KIF13B: variants seen among roughly 807,000 people sequenced by gnomAD.
The protein encoded by KIF13B is kinesin-like protein KIF13B.
A neutral mutation model predicts 222.0 loss-of-function variants in KIF13B; 127 were observed. The observed-to-expected ratio is 0.57, with a 90% CI of 0.50 to 0.66. KIF13B has a LOEUF of 0.66. KIF13B is among the 30% of genes least tolerant of loss of function. KIF13B has a pLI of 0.00. For missense variants in KIF13B, 2,173 were observed against 2,379.0 expected (o/e 0.91, Z 1.80); for synonymous variants, 976 against 919.0 (o/e 1.06, Z -1.12).
chr8:29,120,189 T>A (rs1172609658), intron 29 of KIF13B, among the ~76,000 whole-genome samples: 2 of 95,634 alleles, frequency 2.1e-5, no homozygotes, highest in African/African-American at 7.3e-5. Flanking sequence ...TTTTTTTTTT[T>A]TTATTATACT....
rs1807244937 is a variant in KIF13B, at chr8:29,071,012, C to A, written c.5219-246G>T. On this transcript the variant is annotated intron_variant, in intron 39 of 39. Transcript: ENST00000524189. The surrounding 1 kb of genome is among the most constrained non-coding windows in gnomAD (Gnocchi z 4.9). The stretch of plus-strand genomic sequence containing the variant: ...CCAAGGATGCACAGCCCCAGTCCTG[C>A]AGCCTCAGGTAGGAGGTGACAGGCC... 6.6e-6 allele frequency among the ~76,000 whole-genome samples: 1 copy of A among 152,192 alleles called. No individual in the cohort carries two copies. The highest frequency in any genetic ancestry group is 2.1e-4 in the South Asian group (1 of 4,834).
In KIF13B at chr8:29,110,089, T is replaced by C. The variant is rs373852795; in HGVS notation, c.3931-19A>G. ...GGGCATCCTGAGCAGTGGAAAGTTA[T>C]ACATTATAAAAGCTTCTTGATGTAC... On this transcript the variant is annotated intron_variant, in intron 32 of 39. Coordinates refer to ENST00000524189, the MANE Select transcript of KIF13B (RefSeq NM_015254.4). 6.7e-5 allele frequency: 104 copies of C among 1,551,168 alleles called. No individual in the cohort carries two copies. In the African/African-American group the frequency reaches 1.4e-3, roughly 20 times the overall value.
intron 12 of KIF13B, among the ~76,000 whole-genome samples, chr8:29,161,712 A>G (rs192897518): frequency 2.0e-4 from 30 of 147,738 alleles, no homozygotes; most frequent in African/African-American, 7.4e-4. Context: ...CCCCCCCAAA[A>G]AAAAACAAAA....
chr8:29,165,224 TCTTA>T (rs1278240078), intron 12 of KIF13B, among the ~76,000 whole-genome samples: 1 of 152,204 alleles, frequency 6.6e-6, no homozygotes, highest in African/African-American at 2.4e-5. Context: ...AGGAATTTCA[TCTTA>T]CTTTCACTGG....
In KIF13B at chr8:29,188,171, G is replaced by A. The variant is rs1813023302; in HGVS notation, c.316+344C>T. 2.0e-5 allele frequency among the ~76,000 whole-genome samples: 3 copies of A among 151,916 alleles called. No homozygotes were observed. In the South Asian group the frequency reaches 6.2e-4, roughly 32 times the overall value. On this transcript the variant is annotated intron_variant, in intron 5 of 39. Transcript: ENST00000524189. ...GTTATTACTGGTGAGATATTAACAAGTATGTTCTTTTTGGTATTTTATCTG... is the reference window on the plus strand; with the variant it reads ...GTTATTACTGGTGAGATATTAACAAATATGTTCTTTTTGGTATTTTATCTG...
chr8:29,228,472 A>AAAAAAAAATATATAT lies in KIF13B; in HGVS notation c.149+16873_149+16874insATATATATTTTTTTT. On this transcript the variant is annotated intron_variant, in intron 2 of 39. Coordinates refer to ENST00000524189, the MANE Select transcript of KIF13B (RefSeq NM_015254.4). ...ACAGAGCCAGACTCCATCTTAAAAA[A>AAAAAAAAATATATAT]ATATATATATATATATATGAGATAC... Among the ~76,000 whole-genome samples, 11 of 117,082 alleles carry AAAAAAAAATATATAT rather than the reference A, an allele frequency of 9.4e-5. 1 individual carries two copies. Among genetic ancestry groups the AAAAAAAAATATATAT allele is most frequent in the African/African-American group, 2.9e-4 (9 of 30,726 alleles). 76.8% of individuals were successfully genotyped at this position (117,082 alleles called of 152,430 possible).
upstream of KIF13B, chr8:29,263,124 C>CGGAGCCGGGGGT: frequency 4.7e-6 from 2 of 424,996 alleles, no homozygotes; most frequent in Non-Finnish European, 4.3e-6. Context: ...GGGCCGGGGG[C>CGGAGCCGGGGGT]GGAGCCGGGG....
In KIF13B at chr8:29,262,493, G is replaced by A. The variant is rs1368397188; in HGVS notation, c.55+487C>T. Among the ~76,000 whole-genome samples the A allele has an allele frequency of 2.0e-5, 3 of 152,124 alleles. No homozygotes were observed. In the East Asian group the frequency reaches 5.8e-4, roughly 29 times the overall value. On this transcript the variant is annotated intron_variant, in intron 1 of 39. Transcript: ENST00000524189. ...GCCCTTCTTCCCGCCGCGGGCCAAGGCGGTGCAGGCTTGGGCGACCCGGGC... is the reference window on the plus strand; with the variant it reads ...GCCCTTCTTCCCGCCGCGGGCCAAGACGGTGCAGGCTTGGGCGACCCGGGC...
chr8:29,194,265 G>A (rs1813319615), intron 3 of KIF13B, among the ~76,000 whole-genome samples: 1 of 150,428 alleles, frequency 6.6e-6, no homozygotes, highest in Non-Finnish European at 1.5e-5. Flanking sequence ...GTTCTAAATG[G>A]CACTCTCCTC....
intron 37 of KIF13B, among the ~76,000 whole-genome samples, chr8:29,081,537 A>G (rs887969593): frequency 6.6e-6 from 1 of 152,346 alleles, no homozygotes; most frequent in South Asian, 2.1e-4. Flanking sequence ...CTGAATTGCA[A>G]TGTGCTAGAA....
intron 1 of KIF13B, among the ~76,000 whole-genome samples, chr8:29,260,335 G>A (rs1452336986): frequency 6.6e-6 from 1 of 152,086 alleles, no homozygotes; most frequent in East Asian, 1.9e-4. Context: ...TAGCTAATGT[G>A]ATTCCAAATA....
intron 14 of KIF13B, among the ~76,000 whole-genome samples, chr8:29,152,618 AAT>A (rs892168262): frequency 5.1e-4 from 57 of 110,766 alleles, no homozygotes; most frequent in African/African-American, 2.4e-3. Flanking sequence ...ATTAAAAAAA[AAT>A]TTTTTTTGAG....
intron 2 of KIF13B, among the ~76,000 whole-genome samples, chr8:29,207,024 CCCAAGCACACATCT>C (rs1813981749): frequency 6.6e-6 from 1 of 152,116 alleles, no homozygotes; most frequent in South Asian, 2.1e-4. Flanking sequence ...TGTGCTCTCA[CCCAAGCACACATCT>C]AAACCACACA....
At chr8:29,227,530 T>C (rs983773977) in intron 2 of KIF13B, among the ~76,000 whole-genome samples, 19 of 152,176 alleles carry the variant, frequency 1.2e-4, no homozygotes, top group Non-Finnish European at 1.6e-4. Context: ...CCTAGGTATA[T>C]TTCAATACGT....
chr8:29,262,693 G>A (rs1278711357), intron 1 of KIF13B, among the ~76,000 whole-genome samples: 1 of 151,564 alleles, frequency 6.6e-6, no homozygotes, highest in Admixed American at 6.6e-5. Flanking sequence ...GGAGACGAGA[G>A]GGCAAAAGGG....
intron 2 of KIF13B, among the ~76,000 whole-genome samples, chr8:29,236,872 A>T (rs1815532547): frequency 1.3e-5 from 2 of 152,146 alleles, no homozygotes; most frequent in South Asian, 4.1e-4. Flanking sequence ...GCAAAATCTA[A>T]CAAGATGCAC....
At chr8:29,087,969 T>C (rs1808120532) in intron 37 of KIF13B, among the ~76,000 whole-genome samples, 2 of 151,988 alleles carry the variant, frequency 1.3e-5, no homozygotes, top group Non-Finnish European at 1.5e-5. Flanking sequence ...TATAAGAAGA[T>C]TATACATATA....
intron 10 of KIF13B, among the ~76,000 whole-genome samples, chr8:29,174,285 T>A (rs1404339242): frequency 6.6e-6 from 1 of 152,208 alleles, no homozygotes; most frequent in Non-Finnish European, 1.5e-5. Context: ...TAATGGCTTT[T>A]ATGAAAAAGA....
chr8:29,085,849 C>CAAAAA (rs752162185), intron 37 of KIF13B, among the ~76,000 whole-genome samples: 7 of 67,252 alleles, frequency 1.0e-4, no homozygotes, highest in Non-Finnish European at 1.6e-4. Context: ...GAGCCCGTAA[C>CAAAAA]AAAAAAAAAA....
Sources: gnomAD v4.1 joint callset for allele counts (sites outside exome capture counted in the v4.1 genomes callset) on GRCh38, gnomAD v4.1.1 for gene constraint, Gnocchi (gnomAD v3.1) non-coding constraint, MANE v1.5 for transcripts, NCBI Gene and HGNC (gene_info 2026-07-23, HGNC 2026-07-21) for gene names.